The following ZMYM2 variants were observed in gnomAD, a reference collection of about 807,000 sequenced individuals.
The protein encoded by ZMYM2 is zinc finger MYM-type protein 2.
ZMYM2 carries 56 observed loss-of-function variants against 162.8 expected under a neutral mutation model. The ratio of observed to expected loss-of-function variants is 0.34; its 90% CI spans 0.28 to 0.43. The LOEUF is 0.43. ZMYM2 is among the 20% of genes least tolerant of loss of function. The pLI, the probability that ZMYM2 is intolerant of heterozygous loss-of-function variation, is 1.00. For synonymous variants in ZMYM2, 510 were observed against 541.6 expected (o/e 0.94, Z 0.81); for missense variants, 1,275 against 1,621.8 (o/e 0.79, Z 3.67).
At chr13:19,957,969 G>A (rs1249932957), upstream of ZMYM2, among the ~76,000 whole-genome samples, 1 of 152,254 alleles carries the variant, frequency 6.6e-6, no homozygotes, top group Non-Finnish European at 1.5e-5. Context: ...GGGGCTTCCC[G>A]AGGACAAGTT....
intron 2 of ZMYM2, among the ~76,000 whole-genome samples, chr13:19,987,359 G>A (rs1158140114): frequency 6.6e-6 from 1 of 151,772 alleles, no homozygotes; most frequent in African/African-American, 2.4e-5. Context: ...CACCTCCTTG[G>A]TTCAAGCGAT....
intron 2 of ZMYM2, among the ~76,000 whole-genome samples, chr13:19,975,326 A>T (rs373347234): frequency 1.9e-4 from 29 of 152,208 alleles, no homozygotes; most frequent in African/African-American, 6.3e-4. Flanking sequence ...AATAGAAACC[A>T]TACTCATTAG....
At chr13:20,023,626 A>G (rs1215820812) in intron 7 of ZMYM2, among the ~76,000 whole-genome samples, 1 of 152,186 alleles carries the variant, frequency 6.6e-6, no homozygotes, top group Non-Finnish European at 1.5e-5. Flanking sequence ...TTTCACTGAA[A>G]TTATACGTAG....
At chr13:20,007,285 G>A (rs988785423) in intron 6 of ZMYM2, among the ~76,000 whole-genome samples, 10 of 151,320 alleles carry the variant, frequency 6.6e-5, no homozygotes, top group East Asian at 3.9e-4. Flanking sequence ...ACAGGCATGC[G>A]CCACCACACC....
intron 12 of ZMYM2, among the ~76,000 whole-genome samples, chr13:20,039,798 A>T (rs1410123622): frequency 6.6e-6 from 1 of 152,064 alleles, no homozygotes; most frequent in South Asian, 2.1e-4. Flanking sequence ...AACATGAAGG[A>T]TGTTGAATTT....
chr13:19,917,612 A>G, the ZMYM2 span, among the ~76,000 whole-genome samples: 42 of 151,458 alleles, frequency 2.8e-4, no homozygotes, highest in African/African-American at 1.0e-3. Flanking sequence ...AAAAAAAAAA[A>G]AAGAAGTTAG....
chr13:20,054,822 C>T (rs1465426157), intron 14 of ZMYM2, among the ~76,000 whole-genome samples: 4 of 152,202 alleles, frequency 2.6e-5, no homozygotes, highest in African/African-American at 7.2e-5. Flanking sequence ...TTTCCTAATG[C>T]CTGGTATGTA....
the ZMYM2 span, among the ~76,000 whole-genome samples, chr13:19,943,782 T>C: frequency 2.0e-5 from 3 of 152,196 alleles, no homozygotes; most frequent in Admixed American, 6.5e-5. Context: ...ACGCAGTTGG[T>C]ATATGTGCCC....
chr13:20,079,538 C>G (rs1229647043), intron 21 of ZMYM2, among the ~76,000 whole-genome samples: 2 of 151,974 alleles, frequency 1.3e-5, no homozygotes, highest in East Asian at 3.9e-4. Flanking sequence ...GGCTTTGGTG[C>G]TAAGGGAGCC....
intron 24 of ZMYM2, among the ~76,000 whole-genome samples, chr13:20,085,134 A>ACATC (rs1958172840): frequency 6.6e-6 from 1 of 152,192 alleles, no homozygotes; most frequent in African/African-American, 2.4e-5. Flanking sequence ...GGGGTTGCTG[A>ACATC]ATAACCTGTG....
At chr13:19,921,755 G>A in the ZMYM2 span, among the ~76,000 whole-genome samples, 1 of 151,936 alleles carries the variant, frequency 6.6e-6, no homozygotes, top group Non-Finnish European at 1.5e-5. Context: ...TTTTGTATGT[G>A]GTGTGAAATA....
chr13:20,024,805 G>A (rs986656475), intron 7 of ZMYM2: 1 of 215,466 alleles, frequency 4.6e-6, no homozygotes, highest in Non-Finnish European at 9.4e-6. Context: ...TTCTTTTGCA[G>A]TTGACAAATA....
At chr13:20,021,651 G>A (rs986127605) in intron 7 of ZMYM2, among the ~76,000 whole-genome samples, 3 of 152,064 alleles carry the variant, frequency 2.0e-5, no homozygotes, top group African/African-American at 4.8e-5. Context: ...GTATTACAAG[G>A]TCATCCTACT....
At chr13:19,935,562 T>TTTTG in the ZMYM2 span, among the ~76,000 whole-genome samples, 1,399 of 152,276 alleles carry the variant, frequency 9.2e-3, 23 homozygotes, top group African/African-American at 0.032. Context: ...CACTTGTCTT[T>TTTTG]TTTGTTTGTT....
the ZMYM2 span, among the ~76,000 whole-genome samples, chr13:19,877,380 G>C: frequency 6.6e-6 from 1 of 152,150 alleles, no homozygotes; most frequent in South Asian, 2.1e-4. Flanking sequence ...CACAAAGAAA[G>C]AGAGAAAGCA....
chr13:19,995,898 G>T (rs2139786041), intron 3 of ZMYM2, among the ~76,000 whole-genome samples: 1 of 152,266 alleles, frequency 6.6e-6, no homozygotes, highest in East Asian at 1.9e-4. Context: ...GGCTGAGGTG[G>T]GAGGATTCCT....
At chr13:19,923,105 C>T in the ZMYM2 span, among the ~76,000 whole-genome samples, 4 of 149,424 alleles carry the variant, frequency 2.7e-5, no homozygotes, top group South Asian at 4.2e-4. Context: ...TTTGGGAGGC[C>T]GAGGCGGGGG....
At chr13:19,916,206 C>T in the ZMYM2 span, among the ~76,000 whole-genome samples, 6 of 151,968 alleles carry the variant, frequency 3.9e-5, no homozygotes, top group Non-Finnish European at 7.4e-5. Context: ...ATTAAAAAGT[C>T]AGGAAACAGA....
At chr13:19,888,441 G>A in the ZMYM2 span, among the ~76,000 whole-genome samples, 1 of 151,920 alleles carries the variant, frequency 6.6e-6, no homozygotes, top group Admixed American at 6.6e-5. Context: ...CTCCTGCCTT[G>A]GCATCCCAAA....
Sources: allele counts gnomAD v4.1 joint callset (sites outside exome capture counted in the v4.1 genomes callset), GRCh38; gene constraint gnomAD v4.1.1; transcripts MANE v1.5; gene names NCBI Gene and HGNC (gene_info 2026-07-23, HGNC 2026-07-21).